Variants in NPAS3 observed in about 807,000 individuals in gnomAD.
The protein encoded by NPAS3 is neuronal PAS domain protein 3.
NPAS3 carries 14 observed loss-of-function variants against 73.1 expected under a neutral mutation model. That is an observed-to-expected ratio of 0.19 (90% CI 0.13 to 0.30). The LOEUF is 0.30. Among genes scored for constraint, NPAS3 ranks in the 10% least tolerant of loss-of-function variants. The probability of loss-of-function intolerance (pLI) is 1.00; values close to 1 mark genes in which losing one functional copy is unlikely to be tolerated. For synonymous variants in NPAS3, 620 were observed against 541.5 expected (o/e 1.14, Z -2.01); for missense variants, 1,096 against 1,250.0 (o/e 0.88, Z 1.86).
intron 4 of NPAS3, among the ~76,000 whole-genome samples, chr14:33,445,991 G>GT (rs2049471960): frequency 6.7e-6 from 1 of 149,878 alleles, no homozygotes; most frequent in Non-Finnish European, 1.5e-5. Context: ...GCCATTTACA[G>GT]TTTTTGTGGC....
intron 6 of NPAS3, among the ~76,000 whole-genome samples, chr14:33,677,405 G>C (rs867392387): frequency 6.6e-6 from 1 of 151,966 alleles, no homozygotes; most frequent in Non-Finnish European, 1.5e-5. Flanking sequence ...AGTTGTATTT[G>C]CTTACTTGGA....
intron 5 of NPAS3, among the ~76,000 whole-genome samples, chr14:33,619,125 A>C (rs911273892): frequency 1.3e-5 from 2 of 152,194 alleles, no homozygotes; most frequent in Non-Finnish European, 2.9e-5. Context: ...TTTCAGTCTT[A>C]CTTTGAGATA....
intron 5 of NPAS3, among the ~76,000 whole-genome samples, chr14:33,661,087 T>G (rs746259443): frequency 9.3e-6 from 1 of 107,116 alleles, no homozygotes; most frequent in Non-Finnish European, 1.7e-5. Context: ...GTCAGTATGA[T>G]CAGTAAAAGG....
intron 1 of NPAS3, among the ~76,000 whole-genome samples, chr14:33,048,214 G>A (rs1343971530): frequency 6.6e-6 from 1 of 152,284 alleles, no homozygotes; most frequent in East Asian, 1.9e-4. Context: ...TCATTTTGAA[G>A]GTGGTCAGGT....
intron 3 of NPAS3, among the ~76,000 whole-genome samples, chr14:33,324,177 T>G (rs533381023): frequency 6.6e-6 from 1 of 152,242 alleles, no homozygotes; most frequent in African/African-American, 2.4e-5. Flanking sequence ...AGTGGAGCAT[T>G]TGCACACTGT....
At chr14:33,383,088 TAAAAAAAAAAA>T (rs34877774) in intron 4 of NPAS3, among the ~76,000 whole-genome samples, 5 of 104,278 alleles carry the variant, frequency 4.8e-5, no homozygotes, top group African/African-American at 1.5e-4. Context: ...GACCCTGTCT[TAAAAAAAAAAA>T]AAAAAAAAAA....
intron 4 of NPAS3, among the ~76,000 whole-genome samples, chr14:33,477,016 A>C (rs1413777596): frequency 7.1e-6 from 1 of 140,698 alleles, no homozygotes; most frequent in Non-Finnish European, 1.6e-5. Flanking sequence ...TACAATATTA[A>C]TATCTTGCTC....
intron 2 of NPAS3, among the ~76,000 whole-genome samples, chr14:33,110,494 C>T (rs771073293): frequency 9.9e-5 from 15 of 152,134 alleles, no homozygotes; most frequent in South Asian, 2.1e-4. Flanking sequence ...TTCTGTGATA[C>T]GCTGTTTTAC....
chr14:33,497,183 T>A (rs1209226872), intron 4 of NPAS3, among the ~76,000 whole-genome samples: 1 of 152,096 alleles, frequency 6.6e-6, no homozygotes, highest in African/African-American at 2.4e-5. Context: ...AAACCACCGT[T>A]CAACAAAGTA....
intron 1 of NPAS3, among the ~76,000 whole-genome samples, chr14:33,037,470 C>T (rs1440689700): frequency 6.7e-6 from 1 of 149,024 alleles, no homozygotes; most frequent in African/African-American, 2.5e-5. Flanking sequence ...CATAGTGAGA[C>T]CCCATCTCAG....
chr14:33,344,078 G>A (rs1347494420), intron 3 of NPAS3, among the ~76,000 whole-genome samples: 1 of 152,112 alleles, frequency 6.6e-6, no homozygotes. Context: ...CAAATATGGG[G>A]GGATGAAATT....
chr14:33,758,610 T>C (rs2062189033), intron 7 of NPAS3, among the ~76,000 whole-genome samples: 1 of 152,258 alleles, frequency 6.6e-6, no homozygotes, highest in Non-Finnish European at 1.5e-5. Context: ...ACCTCTTTCC[T>C]AGAAATTCTT....
chr14:33,196,258 T>A (rs1469671575), intron 2 of NPAS3, among the ~76,000 whole-genome samples: 1 of 152,226 alleles, frequency 6.6e-6, no homozygotes, highest in Non-Finnish European at 1.5e-5. Context: ...TCTTTCAATT[T>A]CTTTATTCTA....
chr14:33,158,261 C>A (rs554339617), intron 2 of NPAS3, among the ~76,000 whole-genome samples: 8 of 152,124 alleles, frequency 5.3e-5, no homozygotes, highest in Non-Finnish European at 7.3e-5. Context: ...TTAGGCCCAG[C>A]CTGGGAACTA....
intron 2 of NPAS3, among the ~76,000 whole-genome samples, chr14:33,067,941 A>G (rs1016931731): frequency 6.6e-5 from 10 of 152,154 alleles, no homozygotes; most frequent in Non-Finnish European, 1.2e-4. Context: ...TTTTAGTAGC[A>G]TATTTTCTTT....
chr14:33,138,633 A>AT (rs1285983343), intron 2 of NPAS3, among the ~76,000 whole-genome samples: 4 of 152,100 alleles, frequency 2.6e-5, no homozygotes, highest in Non-Finnish European at 5.9e-5. Context: ...TCTTCCAACA[A>AT]TTTTTTCCAT....
intron 5 of NPAS3, among the ~76,000 whole-genome samples, chr14:33,562,315 C>T (rs997844007): frequency 3.3e-5 from 5 of 152,174 alleles, no homozygotes; most frequent in Non-Finnish European, 5.9e-5. Context: ...TGCAGTCAGT[C>T]CTTGCTTTTA....
intron 4 of NPAS3, among the ~76,000 whole-genome samples, chr14:33,489,087 G>T (rs1463804432): frequency 6.6e-6 from 1 of 152,072 alleles, no homozygotes. Context: ...AGACAGTGAG[G>T]GTTTTGGTTT....
chr14:33,741,180 A>G (rs1453539982), intron 7 of NPAS3, among the ~76,000 whole-genome samples: 1 of 152,136 alleles, frequency 6.6e-6, no homozygotes, highest in Non-Finnish European at 1.5e-5. Context: ...TGAGATTCAG[A>G]GTTGTTCCAG....
Sources: allele counts gnomAD v4.1 joint callset (sites outside exome capture counted in the v4.1 genomes callset), GRCh38; gene constraint gnomAD v4.1.1; transcripts MANE v1.5; gene names NCBI Gene and HGNC (gene_info 2026-07-23, HGNC 2026-07-21).